Variants in APP observed in about 807,000 individuals in gnomAD.
APP encodes the protein amyloid beta precursor protein.
A neutral mutation model predicts 101.4 loss-of-function variants in APP; 31 were observed. The observed-to-expected ratio is 0.31, with a 90% CI of 0.23 to 0.41. The LOEUF is 0.41. Ranked by LOEUF, APP falls within the 10% of genes least tolerant of loss-of-function variation. The probability of loss-of-function intolerance (pLI) is 1.00; values close to 1 mark genes in which losing one functional copy is unlikely to be tolerated. For missense variants in APP, 839 were observed against 1,003.7 expected (o/e 0.84, Z 2.22); for synonymous variants, 366 against 364.4 (o/e 1.00, Z -0.05).
intron 5 of APP, among the ~76,000 whole-genome samples, chr21:26,046,049 G>A (rs2045595099): frequency 6.6e-6 from 1 of 151,980 alleles, no homozygotes; most frequent in Non-Finnish European, 1.5e-5. Context: ...CAGATCTCGT[G>A]AGACTTATTC....
chr21:26,116,451 G>A (rs1360272605), intron 1 of APP, among the ~76,000 whole-genome samples: 3 of 152,160 alleles, frequency 2.0e-5, no homozygotes, highest in Non-Finnish European at 2.9e-5. Context: ...GAAACCCTAC[G>A]CCTACAGTTG....
chr21:26,063,559 T>C (rs1317824953), intron 3 of APP, among the ~76,000 whole-genome samples: 1 of 150,676 alleles, frequency 6.6e-6, no homozygotes, highest in Admixed American at 6.6e-5. Flanking sequence ...CAAATGAGCA[T>C]AGGAACCAAG....
At chr21:26,045,773 A>G (rs2146884142) in intron 5 of APP, among the ~76,000 whole-genome samples, 1 of 152,328 alleles carries the variant, frequency 6.6e-6, no homozygotes, top group Admixed American at 6.5e-5. Context: ...GTATATTCCA[A>G]TGCACGCACA....
chr21:26,015,818 T>C (rs137882750), intron 6 of APP, among the ~76,000 whole-genome samples: 2 of 152,284 alleles, frequency 1.3e-5, no homozygotes, highest in Admixed American at 6.5e-5. Context: ...AAAGGCCAGA[T>C]AGTAAATGTT....
At position 25,880,814 on chromosome 21, in the gene APP, T is replaced by C. The variant is rs1019197390; in HGVS notation, c.*856A>G. ...AAAAGTCTTGCCCGGGGTTATTTTA[T>C]TTAATTTATTTATGTAATACAGTGT... On this transcript the variant is annotated 3_prime_UTR_variant, in exon 18 of 18. Transcript: ENST00000346798. 4 of 152,500 alleles carry C rather than the reference T, an allele frequency of 2.6e-5. No individual in the cohort carries two copies. Among genetic ancestry groups the C allele is most frequent in the Non-Finnish European group, 5.9e-5 (4 of 68,044 alleles). The allele number at this position is 152,500 out of a possible 1,614,324, so 9.4% of individuals were successfully genotyped here.
At chr21:25,950,642 G>A (rs9983396) in intron 13 of APP, among the ~76,000 whole-genome samples, 1 of 152,014 alleles carries the variant, frequency 6.6e-6, no homozygotes, top group African/African-American at 2.4e-5. Flanking sequence ...CCGGCCTGCA[G>A]CTGTTTTTTT....
At chr21:26,135,105 G>A (rs1601544860) in intron 1 of APP, among the ~76,000 whole-genome samples, 2 of 152,150 alleles carry the variant, frequency 1.3e-5, no homozygotes, top group East Asian at 3.8e-4. Flanking sequence ...TATTCTTAGT[G>A]AATAGACAGC....
chr21:26,050,102 T>A (rs1156269039), intron 5 of APP, among the ~76,000 whole-genome samples: 1 of 151,906 alleles, frequency 6.6e-6, no homozygotes, highest in African/African-American at 2.4e-5. Flanking sequence ...ATATAGACAA[T>A]AAACTCTATG....
rs1185129740 is a variant in APP at position 25,973,323 on chromosome 21, C to T, written c.1458+1747G>A. 3.3e-5 allele frequency among the ~76,000 whole-genome samples: 5 copies of T among 152,144 alleles called. No individual in the cohort carries two copies. The East Asian group carries it at 5.8e-4, about 18-fold the overall frequency. ...AACGCAAGACCCAATTACATGCTGC[C>T]TACAAAAAATACACTTCAAATATAA... is the stretch of plus-strand genomic sequence containing the variant. On this transcript the variant is annotated intron_variant, in intron 11 of 17. Coordinates refer to ENST00000346798, the MANE Select transcript of APP (RefSeq NM_000484.4).
At position 26,018,122 on chromosome 21, in the gene APP, G is replaced by A. The variant is rs116293491; in HGVS notation, c.865+3718C>T. Among the ~76,000 whole-genome samples the A allele has an allele frequency of 3.3e-3, 507 of 152,256 alleles. 4 individuals carry two copies. The highest frequency in any genetic ancestry group is 0.011 in the African/African-American group (466 of 41,546). ...ATATGGCAGAGAAGATTATGACTAC[G>A]CTAAAAGTGTCTTATTTTTCTTCCC... is the stretch of plus-strand genomic sequence containing the variant. On this transcript the variant is annotated intron_variant, in intron 6 of 17. Coordinates refer to ENST00000346798, the MANE Select transcript of APP (RefSeq NM_000484.4).
chr21:26,023,553 A>C (rs1000750924), intron 5 of APP, among the ~76,000 whole-genome samples: 1 of 149,158 alleles, frequency 6.7e-6, no homozygotes, highest in Non-Finnish European at 1.5e-5. Context: ...ACAAACAAAA[A>C]CCAGCCAGGC....
chr21:26,028,989 A>G (rs796657318), intron 5 of APP, among the ~76,000 whole-genome samples: 3 of 152,240 alleles, frequency 2.0e-5, no homozygotes, highest in African/African-American at 7.2e-5. Context: ...AAAATGCTGA[A>G]GTCGGGCACG....
intron 8 of APP, among the ~76,000 whole-genome samples, chr21:25,986,287 A>G (rs1340210554): frequency 6.6e-6 from 1 of 152,238 alleles, no homozygotes; most frequent in Non-Finnish European, 1.5e-5. Flanking sequence ...AGGTCACTGT[A>G]ACCACTTAGA....
intron 13 of APP, among the ~76,000 whole-genome samples, chr21:25,930,924 G>A (rs932882941): frequency 6.6e-6 from 1 of 152,218 alleles, no homozygotes; most frequent in East Asian, 1.9e-4. Flanking sequence ...TGAATGGAAA[G>A]CGTCTGTCTT....
At chr21:25,894,907 C>T (rs1569019065) in intron 16 of APP, among the ~76,000 whole-genome samples, 1 of 152,170 alleles carries the variant, frequency 6.6e-6, no homozygotes, top group Admixed American at 6.5e-5. Context: ...ATCGATGCAG[C>T]AAACTTCATT....
chr21:25,976,955 C>T (rs1240799465), intron 9 of APP, among the ~76,000 whole-genome samples: 1 of 152,180 alleles, frequency 6.6e-6, no homozygotes, highest in Non-Finnish European at 1.5e-5. Context: ...TATGATACAG[C>T]AAGGAAGTCC....
chr21:25,975,975 A>T lies in APP; in HGVS notation c.1278T>A (p.Ala426=). ...AERQAKNLPK[A]DKKAVIQHFQ... Reference sequence around the variant, plus strand: ...TTACCTGGATAACTGCCTTCTTATCAGCTTTAGGCAAGTTCTTTGCTTGAC... The same window carrying T: ...TTACCTGGATAACTGCCTTCTTATCTGCTTTAGGCAAGTTCTTTGCTTGAC... The change falls in exon 10 of 18, where the codon GCT becomes GCA. Residue 426 remains alanine (A), a synonymous_variant. Transcript: ENST00000346798. 1 of 1,613,954 alleles carries T rather than the reference A, an allele frequency of 6.2e-7. No individual in the cohort carries two copies. Among genetic ancestry groups the T allele is most frequent in the Non-Finnish European group, 8.5e-7 (1 of 1,179,892 alleles).
chr21:26,150,626 T>TAGATAGATAGATAGAC lies in APP; in HGVS notation c.57+19937_57+19938insGTCTATCTATCTATCT, dbSNP rs370206066. On this transcript the variant is annotated intron_variant, in intron 1 of 17. Coordinates refer to ENST00000346798, the MANE Select transcript of APP (RefSeq NM_000484.4). ...ATAGACAGATAGATAGACAGATAGATAGACAGACAGACAGACAGATTGACT... is the reference window on the plus strand; with the variant it reads ...ATAGACAGATAGATAGACAGATAGATAGATAGATAGATAGACAGACAGACAGACAGACAGATTGACT... Among the ~76,000 whole-genome samples, 1,214 of 149,884 alleles carry TAGATAGATAGATAGAC rather than the reference T, an allele frequency of 8.1e-3. 42 individuals carry two copies. Among genetic ancestry groups the TAGATAGATAGATAGAC allele is most frequent in the East Asian group, 0.051 (259 of 5,044 alleles).
intron 1 of APP, among the ~76,000 whole-genome samples, chr21:26,148,524 TG>T (rs45437494): frequency 6.6e-6 from 1 of 152,330 alleles, no homozygotes; most frequent in African/African-American, 2.4e-5. Flanking sequence ...ACAAAATGTA[TG>T]TAGAATTACA....
Sources: gnomAD v4.1 joint callset for allele counts (sites outside exome capture counted in the v4.1 genomes callset) on GRCh38, gnomAD v4.1.1 for gene constraint, MANE v1.5 for transcripts, NCBI Gene and HGNC (gene_info 2026-07-23, HGNC 2026-07-21) for gene names.